Variants in ZEB1 observed in about 807,000 individuals in gnomAD.
The protein encoded by ZEB1 is zinc finger E-box-binding homeobox 1.
ZEB1 carries 21 observed loss-of-function variants against 84.9 expected under a neutral mutation model. The ratio of observed to expected loss-of-function variants is 0.25; its 90% CI spans 0.18 to 0.36. ZEB1 has a LOEUF of 0.36. ZEB1 is among the 10% of genes least tolerant of loss of function. The pLI is 1.00. For synonymous variants in ZEB1, 420 were observed against 471.1 expected, an observed-to-expected ratio of 0.89 and a Z score of 1.41; for missense variants, 1,104 against 1,330.2, an observed-to-expected ratio of 0.83 and a Z score of 2.65.
Position 31,521,683 on chromosome 10 carries a change from T to C in ZEB1, c.2351T>C (p.Val784Ala). 1 of 1,614,126 alleles carries C rather than the reference T, an allele frequency of 6.2e-7. No individual in the cohort carries two copies. The highest frequency in any genetic ancestry group is 8.5e-7 in the Non-Finnish European group (1 of 1,180,002). ...AAGGAGCCACAAAAGGACAGTTGTG[T>C]TACAGACTCAGAACCAGTTGTAAAT... ...AKKEPQKDSCVTDSEPVVNVI... is the reference protein window; with the variant it reads ...AKKEPQKDSCATDSEPVVNVI... Residue 784 changes from valine (V) to alanine (A), a missense_variant, in exon 7 of 9, where the codon GTT (valine) becomes GCT (alanine). Val to Ala is a moderately conservative substitution (Grantham distance 64, BLOSUM62 0). This residue lies in a region of ZEB1 where 531 missense variants were observed against 575.2 expected (regional missense o/e 0.92). Transcript: ENST00000424869.
chr10:31,520,486 C>T lies in ZEB1; in HGVS notation c.1154C>T (p.Thr385Ile), dbSNP rs1176715857. ...VFTGGGPLQA[T>I]SSPQGMVQAV... is the part of the protein sequence containing the mutation. ...ACTGGTGGTGGCCCATTACAGGCAA[C>T]CAGTTCTCCTCAGGGCATGGTGCAA... The change falls in exon 7 of 9, where the codon ACC (threonine) becomes ATC (isoleucine). Residue 385 changes from threonine to isoleucine, a missense_variant. Thr to Ile is a moderately conservative substitution (Grantham distance 89). Coordinates refer to ENST00000424869, the MANE Select transcript of ZEB1 (RefSeq NM_001174096.2). This position sits in a 1 kb window ranked among gnomAD's most constrained non-coding sequence, Gnocchi z 5.1. 8.7e-6 allele frequency: 14 copies of T among 1,613,840 alleles called. No homozygotes were observed. The highest frequency in any genetic ancestry group is 1.1e-5 in the South Asian group (1 of 91,088).
intron 1 of ZEB1, among the ~76,000 whole-genome samples, chr10:31,357,704 C>A (rs2042336148): frequency 6.6e-6 from 1 of 151,842 alleles, no homozygotes; most frequent in Non-Finnish European, 1.5e-5. Flanking sequence ...TTGTTAGTTT[C>A]CTAATAGCTA....
At chr10:31,423,908 C>T (rs11008492) in intron 1 of ZEB1, among the ~76,000 whole-genome samples, 1,675 of 152,034 alleles carry the variant, frequency 0.011, 24 homozygotes, top group Admixed American at 0.021. Flanking sequence ...TGATAGAAAA[C>T]GACTCCAGAA....
At chr10:31,438,809 G>A (rs553576388) in intron 1 of ZEB1, among the ~76,000 whole-genome samples, 2 of 152,232 alleles carry the variant, frequency 1.3e-5, no homozygotes, top group Admixed American at 6.5e-5. Context: ...ATGCCACTGC[G>A]CTCCAGCCTG....
intron 4 of ZEB1, 87 bp downstream of exon 4, chr10:31,502,596 A>G: frequency 6.4e-7 from 1 of 1,571,768 alleles, no homozygotes; most frequent in East Asian, 2.2e-5. Context: ...GCTCTACTAT[A>G]GGGAACATTC....
In ZEB1 at chr10:31,521,199, C is replaced by T; in HGVS notation, c.1867C>T (p.Leu623=). The T allele has an allele frequency of 6.2e-7, 1 of 1,614,080 alleles. No homozygotes were observed. Among genetic ancestry groups the T allele is most frequent in the Non-Finnish European group, 8.5e-7 (1 of 1,180,014 alleles). The change falls in exon 7 of 9, where the codon CTG becomes TTG. Residue 623 remains leucine (L), a synonymous_variant. Transcript: ENST00000424869. ...SKIADSVNLP[L]DVVKKWFEKM... Reference sequence around the variant, plus strand: ...AATTGCTGATTCAGTAAACCTACCACTGGATGTAGTAAAAAAGTGGTTTGA... The same window carrying T: ...AATTGCTGATTCAGTAAACCTACCATTGGATGTAGTAAAAAAGTGGTTTGA...
At chr10:31,464,602 A>G (rs374588727) in intron 2 of ZEB1, among the ~76,000 whole-genome samples, 1 of 152,212 alleles carries the variant, frequency 6.6e-6, no homozygotes, top group African/African-American at 2.4e-5. Flanking sequence ...AAGGCACATT[A>G]CAATCAAATT....
intron 1 of ZEB1, chr10:31,387,632 A>T: frequency 1.9e-6 from 1 of 529,332 alleles, no homozygotes; most frequent in Non-Finnish European, 2.4e-6. Flanking sequence ...TAGGCAATCT[A>T]GTGACATAAT....
intron 1 of ZEB1, among the ~76,000 whole-genome samples, chr10:31,388,636 G>T (rs960681214): frequency 2.6e-5 from 4 of 151,976 alleles, no homozygotes; most frequent in Non-Finnish European, 4.4e-5. Flanking sequence ...AAACTTAAAA[G>T]ATTTAAATCT....
intron 2 of ZEB1, among the ~76,000 whole-genome samples, chr10:31,480,183 T>C (rs2064857164): frequency 1.3e-5 from 2 of 152,088 alleles, no homozygotes; most frequent in African/African-American, 4.8e-5. Context: ...AAAAACATTT[T>C]TCTCACATGT....
chr10:31,525,420 T>C (rs1769590057), intron 8 of ZEB1, among the ~76,000 whole-genome samples: 1 of 152,228 alleles, frequency 6.6e-6, no homozygotes, highest in African/African-American at 2.4e-5. Context: ...ACTCCCATCA[T>C]GGTGGATTTC....
intron 1 of ZEB1, among the ~76,000 whole-genome samples, chr10:31,413,827 C>T (rs1171368624): frequency 6.6e-6 from 1 of 152,124 alleles, no homozygotes. Flanking sequence ...TTTATAATTT[C>T]ATAGCGATTA....
intron 1 of ZEB1, among the ~76,000 whole-genome samples, chr10:31,323,633 T>C (rs1053328582): frequency 6.6e-6 from 1 of 152,134 alleles, no homozygotes; most frequent in African/African-American, 2.4e-5. Flanking sequence ...TAAAACTCTG[T>C]AGTTCGTACG....
At chr10:31,369,402 T>C (rs1424068244) in intron 1 of ZEB1, among the ~76,000 whole-genome samples, 1 of 152,244 alleles carries the variant, frequency 6.6e-6, no homozygotes, top group Non-Finnish European at 1.5e-5. Context: ...TTCTATTCTC[T>C]ACTTCTATGA....
At chr10:31,321,444 A>G in intron 1 of ZEB1, 5 of 1,613,412 alleles carry the variant, frequency 3.1e-6, no homozygotes, top group South Asian at 2.2e-5. Context: ...AGCATAGGCT[A>G]TTGCAATTTT....
chr10:31,511,647 C>T (rs1339344892), intron 5 of ZEB1, among the ~76,000 whole-genome samples: 1 of 152,110 alleles, frequency 6.6e-6, no homozygotes, highest in South Asian at 2.1e-4. Context: ...TTCAGCCACA[C>T]AGGGTTTGTG....
intron 1 of ZEB1, among the ~76,000 whole-genome samples, chr10:31,324,181 G>C (rs1432125689): frequency 2.0e-5 from 3 of 151,874 alleles, no homozygotes; most frequent in Middle Eastern, 3.2e-3. Flanking sequence ...AATATTAATC[G>C]TTTATGAAGA....
intron 1 of ZEB1, among the ~76,000 whole-genome samples, chr10:31,455,113 T>G (rs1309844898): frequency 6.6e-6 from 1 of 152,034 alleles, no homozygotes; most frequent in East Asian, 1.9e-4. Flanking sequence ...ACACCACACA[T>G]CTACAACCAT....
intron 1 of ZEB1, among the ~76,000 whole-genome samples, chr10:31,439,103 C>T (rs1192031237): frequency 6.6e-6 from 1 of 152,054 alleles, no homozygotes; most frequent in Non-Finnish European, 1.5e-5. Flanking sequence ...TACCTGATTT[C>T]CTCATTTGTA....
Sources: gnomAD v4.1 joint callset for allele counts (sites outside exome capture counted in the v4.1 genomes callset) on GRCh38, gnomAD v4.1.1 for gene constraint, gnomAD v4.1.1 regional missense constraint, Gnocchi (gnomAD v3.1) non-coding constraint, MANE v1.5 for transcripts, NCBI Gene and HGNC (gene_info 2026-07-23, HGNC 2026-07-21) for gene names.